The following PEX13 variants were observed in gnomAD, a reference collection of about 807,000 sequenced individuals.
The protein encoded by PEX13 is peroxisome biogenesis factor 13.
In PEX13, 28 loss-of-function variants were observed where a neutral mutation model predicts 34.5. That is an observed-to-expected ratio of 0.81 (90% CI 0.60 to 1.11). The LOEUF (loss-of-function observed/expected upper bound fraction) is 1.11, where lower values mean the gene tolerates loss of function less well. Ranked by LOEUF, PEX13 falls within the 50% of genes most tolerant of loss-of-function variation. PEX13 has a pLI of 0.00. For missense variants in PEX13, 550 were observed against 491.0 expected, an observed-to-expected ratio of 1.12 and a Z score of -1.13; for synonymous variants, 177 against 175.1, an observed-to-expected ratio of 1.01 and a Z score of -0.09.
At chr2:61,032,518 G>C (rs1481814406) in intron 2 of PEX13, among the ~76,000 whole-genome samples, 1 of 152,184 alleles carries the variant, frequency 6.6e-6, no homozygotes, top group Non-Finnish European at 1.5e-5. Context: ...AAGACACTGT[G>C]CTAGGTATTT....
intron 2 of PEX13, among the ~76,000 whole-genome samples, chr2:61,033,071 A>G (rs1680478778): frequency 6.6e-6 from 1 of 152,206 alleles, no homozygotes; most frequent in Non-Finnish European, 1.5e-5. Context: ...ACTGTGACAT[A>G]CATGTAAACG....
chr2:61,045,060 C>T (rs186639865), intron 2 of PEX13, among the ~76,000 whole-genome samples: 15 of 152,208 alleles, frequency 9.9e-5, no homozygotes, highest in Admixed American at 9.2e-4. Flanking sequence ...AGGCAAATAT[C>T]AAGAGAAGAA....
In PEX13 at chr2:61,031,439, C is replaced by A. The variant is rs763566050; in HGVS notation, c.113C>A (p.Thr38Asn). ...PTFQSADLGPTLMTRPGQPAL... is the reference protein window; with the variant it reads ...PTFQSADLGPNLMTRPGQPAL... ...TTTAGATCTGCTGATTTGGGTCCTA[C>A]TTTAATGACAAGACCTGGACAACCA... Residue 38 changes from threonine to asparagine, a missense_variant, in exon 2 of 4, where the codon ACT becomes AAT. Physicochemically the swap from Thr to Asn is moderately conservative, Grantham distance 65. Transcript: ENST00000295030. 4.3e-5 allele frequency: 70 copies of A among 1,614,048 alleles called. No homozygotes were observed. The South Asian group carries it at 7.7e-4, about 18-fold the overall frequency.
chr2:61,032,624 T>G (rs1309513332), intron 2 of PEX13, among the ~76,000 whole-genome samples: 2 of 152,196 alleles, frequency 1.3e-5, no homozygotes, highest in African/African-American at 4.8e-5. Context: ...GAGAACTCAC[T>G]TACCTAGGGT....
At position 61,022,504 on chromosome 2, in the gene PEX13, A is replaced by G. The variant is rs746994591; in HGVS notation, c.92+4653A>G. Among the ~76,000 whole-genome samples, 12 of 152,270 alleles carry G rather than the reference A, an allele frequency of 7.9e-5. 1 individual carries two copies. Among genetic ancestry groups the G allele is most frequent in the Non-Finnish European group, 1.2e-4 (8 of 68,044 alleles). ...AAAATGTTTATTGTATCAACCTTCT[A>G]TTGTTGAACCATCCTTGCATTTCTC... On this transcript the variant is annotated intron_variant, in intron 1 of 3. Transcript: ENST00000295030.
intron 1 of PEX13, among the ~76,000 whole-genome samples, chr2:61,024,782 C>T (rs1680323619): frequency 6.6e-6 from 1 of 152,016 alleles, no homozygotes; most frequent in Non-Finnish European, 1.5e-5. Flanking sequence ...GCAGTCCAGC[C>T]TGGGCAACAG....
chr2:61,032,317 C>G (rs921463253), intron 2 of PEX13, among the ~76,000 whole-genome samples: 2 of 152,246 alleles, frequency 1.3e-5, no homozygotes, highest in Middle Eastern at 6.8e-3. Flanking sequence ...GTGCACATTA[C>G]CTGTTTACAA....
In PEX13 at chr2:61,031,646, G is replaced by A. The variant is rs766710343; in HGVS notation, c.320G>A (p.Arg107His). Residue 107 changes from arginine to histidine, a missense_variant, in exon 2 of 4, where the codon CGC (arginine) becomes CAC (histidine). Transcript: ENST00000295030. ...SYGYNGLGYN[R>H]LRVDDLPPSR... is the part of the protein sequence containing the mutation. ...GGATATAATGGGCTGGGCTACAACC[G>A]CCTCCGTGTAGATGATCTTCCACCC... 2.2e-5 allele frequency: 36 copies of A among 1,613,972 alleles called. No individual in the cohort carries two copies. In the Admixed American group the frequency reaches 3.8e-4, roughly 17 times the overall value.
At chr2:61,039,145 A>C (rs930172893) in intron 2 of PEX13, among the ~76,000 whole-genome samples, 5 of 152,360 alleles carry the variant, frequency 3.3e-5, no homozygotes, top group African/African-American at 1.2e-4. Context: ...GGAAGAATCA[A>C]TATCATGAAA....
In PEX13 at chr2:61,048,789, G is replaced by T. The variant is rs762069334; in HGVS notation, c.*19G>T. 1.4e-4 allele frequency: 217 copies of T among 1,585,690 alleles called. No individual in the cohort carries two copies. Among genetic ancestry groups the T allele is most frequent in the Non-Finnish European group, 1.8e-4 (211 of 1,154,132 alleles). ...TCTTTGATATCTTTCATGTTTGCCT[G>T]CAGTTGAACAATACTTTAGAGTACT... On this transcript the variant is annotated 3_prime_UTR_variant, in exon 4 of 4. Transcript: ENST00000295030.
rs189055558 is a variant in PEX13, at chr2:61,033,999, T to C, written c.787+1886T>C. On this transcript the variant is annotated intron_variant, in intron 2 of 3. Coordinates refer to ENST00000295030, the MANE Select transcript of PEX13 (RefSeq NM_002618.4). Reference sequence around the variant, plus strand: ...TTTTTTTTTGTTTTGTTTTTTGTTTTGTTTTTTTTCTTCGGGAGACAGAGT... The same window carrying C: ...TTTTTTTTTGTTTTGTTTTTTGTTTCGTTTTTTTTCTTCGGGAGACAGAGT... 1.7e-4 allele frequency among the ~76,000 whole-genome samples: 26 copies of C among 152,140 alleles called. No homozygotes were observed. The East Asian group carries it at 4.4e-3, about 26-fold the overall frequency.
intron 1 of PEX13, chr2:61,018,888 A>G (rs1277366892): frequency 6.6e-6 from 1 of 152,086 alleles, no homozygotes; most frequent in African/African-American, 2.4e-5. Flanking sequence ...TATTTTTTGC[A>G]TCTGTTAAAG....
chr2:61,022,213 G>T (rs549545904), intron 1 of PEX13, among the ~76,000 whole-genome samples: 7 of 152,254 alleles, frequency 4.6e-5, no homozygotes, highest in African/African-American at 1.4e-4. Context: ...TCAGAAGGTC[G>T]GCAATAACAA....
chr2:61,049,338 A>C lies in PEX13; in HGVS notation c.*568A>C, dbSNP rs936220445. On this transcript the variant is annotated 3_prime_UTR_variant, in exon 4 of 4. Coordinates refer to ENST00000295030, the MANE Select transcript of PEX13 (RefSeq NM_002618.4). ...ACTGTATTTTTAAAAATTTAATTTG[A>C]AAAGGTCACCCAGAAGCATTCTGAA... 2 of 153,342 alleles carry C rather than the reference A, an allele frequency of 1.3e-5. No individual in the cohort carries two copies. The highest frequency in any genetic ancestry group is 2.4e-5 in the African/African-American group (1 of 41,454). 9.5% of individuals were successfully genotyped at this position (153,342 alleles called of 1,614,324 possible).
At chr2:61,024,834 C>A (rs527577114) in intron 1 of PEX13, among the ~76,000 whole-genome samples, 58 of 151,926 alleles carry the variant, frequency 3.8e-4, no homozygotes, top group African/African-American at 1.3e-3. Flanking sequence ...ACAAAAAAAA[C>A]AGTCATTGAG....
rs778942066 is a variant in PEX13, at chr2:61,031,441, T to G, written c.115T>G (p.Leu39Val). The G allele has an allele frequency of 8.7e-6, 14 of 1,614,026 alleles. No homozygotes were observed. The highest frequency in any genetic ancestry group is 1.3e-5 in the African/African-American group (1 of 74,930). Residue 39 changes from leucine (L) to valine (V), a missense_variant, in exon 2 of 4, where the codon TTA becomes GTA. Transcript: ENST00000295030. ...TFQSADLGPT[L>V]MTRPGQPALT... The stretch of plus-strand genomic sequence containing the variant: ...TAGATCTGCTGATTTGGGTCCTACT[T>G]TAATGACAAGACCTGGACAACCAGC...
intron 1 of PEX13, among the ~76,000 whole-genome samples, chr2:61,020,236 A>G (rs1165427457): frequency 6.6e-6 from 1 of 152,162 alleles, no homozygotes; most frequent in Non-Finnish European, 1.5e-5. Flanking sequence ...AAACAACAAC[A>G]ACAACAAAAA....
In PEX13 at chr2:61,051,258, A is replaced by G. The variant is rs534048628; in HGVS notation, c.*2488A>G. 1.3e-5 allele frequency: 2 copies of G among 152,462 alleles called. No homozygotes were observed. Among genetic ancestry groups the G allele is most frequent in the South Asian group, 2.1e-4 (1 of 4,830 alleles). The allele number at this position is 152,462 out of a possible 1,614,324, so 9.4% of individuals were successfully genotyped here. The stretch of plus-strand genomic sequence containing the variant: ...TAAAGGTTCTGCTTTGATTTGTCAG[A>G]TAATTTATAGAAATTTTGTTCTCAA... On this transcript the variant is annotated 3_prime_UTR_variant, in exon 4 of 4. Coordinates refer to ENST00000295030, the MANE Select transcript of PEX13 (RefSeq NM_002618.4).
chr2:61,029,470 G>C (rs1680414039), intron 1 of PEX13, among the ~76,000 whole-genome samples: 1 of 152,092 alleles, frequency 6.6e-6, no homozygotes, highest in South Asian at 2.1e-4. Flanking sequence ...ATATAACCCA[G>C]CAAACATGTC....
Sources: allele counts gnomAD v4.1 joint callset (sites outside exome capture counted in the v4.1 genomes callset), GRCh38; gene constraint gnomAD v4.1.1; transcripts MANE v1.5; gene names NCBI Gene and HGNC (gene_info 2026-07-23, HGNC 2026-07-21).